CADM2: variants seen among roughly 807,000 people sequenced by gnomAD.
The protein encoded by CADM2 is cell adhesion molecule 2, also known as immunoglobulin superfamily member 4D.
Under a neutral mutation model 49.8 loss-of-function variants are expected in CADM2, and 12 were observed. The observed-to-expected ratio is 0.24, with a 90% CI of 0.15 to 0.39. CADM2 has a LOEUF of 0.39. CADM2 is among the 10% of genes least tolerant of loss of function. CADM2 has a pLI of 1.00. For synonymous variants in CADM2, 214 were observed against 175.4 expected, an observed-to-expected ratio of 1.22 and a Z score of -1.74; for missense variants, 378 against 492.3, an observed-to-expected ratio of 0.77 and a Z score of 2.20.
At chr3:85,721,593 CGG>C (rs1387515317) in intron 1 of CADM2, among the ~76,000 whole-genome samples, 2 of 152,150 alleles carry the variant, frequency 1.3e-5, no homozygotes, top group Admixed American at 1.3e-4. Flanking sequence ...CTCCAGGTGC[CGG>C]CATGGGCACC....
chr3:85,139,428 A>T (rs4856267), intron 1 of CADM2, among the ~76,000 whole-genome samples: 12,186 of 152,152 alleles, frequency 0.08, 1,022 homozygotes, highest in Admixed American at 0.25. Flanking sequence ...TTTTACATTA[A>T]TCAATACTTA....
At chr3:85,216,047 G>C (rs546936393) in intron 1 of CADM2, among the ~76,000 whole-genome samples, 5 of 151,862 alleles carry the variant, frequency 3.3e-5, no homozygotes, top group Non-Finnish European at 5.9e-5. Flanking sequence ...TACTATGTTT[G>C]TTCACCTGAT....
intron 1 of CADM2, among the ~76,000 whole-genome samples, chr3:85,194,536 A>T (rs915427806): frequency 1.3e-5 from 2 of 152,068 alleles, no homozygotes; most frequent in African/African-American, 4.8e-5. Flanking sequence ...AATGATGGAG[A>T]TCTAGAAAAT....
At chr3:85,655,241 A>G (rs1012215749) in intron 1 of CADM2, among the ~76,000 whole-genome samples, 9 of 150,576 alleles carry the variant, frequency 6.0e-5, no homozygotes, top group African/African-American at 9.8e-5. Context: ...TGGAATCTCT[A>G]CCTCCCAGGT....
intron 1 of CADM2, among the ~76,000 whole-genome samples, chr3:85,446,347 C>T (rs1434285441): frequency 1.3e-5 from 2 of 151,936 alleles, no homozygotes; most frequent in African/African-American, 4.8e-5. Flanking sequence ...TAAAAATGCC[C>T]CATAGTTGTA....
Position 86,066,668 on chromosome 3 carries a change from C to T in CADM2, c.1100C>T (p.Thr367Met), listed in dbSNP as rs1739379665. The change falls in exon 10 of 10, where the codon ACG becomes ATG. Residue 367 changes from threonine (T) to methionine (M), a missense_variant. Thr to Met is a moderately conservative substitution (Grantham distance 81, BLOSUM62 -1). Coordinates refer to ENST00000383699, the MANE Select transcript of CADM2 (RefSeq NM_001167675.2). ...ATTTTTCTTCCAATATATGCAGGAA[C>T]GTATTTAACAAATGAAGCTAAAGGA... ...LGRYLARHKG[T>M]YLTNEAKGAE... 1.2e-6 allele frequency: 2 copies of T among 1,604,244 alleles called. No individual in the cohort carries two copies. Among genetic ancestry groups the T allele is most frequent in the Non-Finnish European group, 1.7e-6 (2 of 1,171,106 alleles).
At chr3:86,058,049 A>C (rs566680661) in intron 8 of CADM2, among the ~76,000 whole-genome samples, 1 of 152,340 alleles carries the variant, frequency 6.6e-6, no homozygotes, top group South Asian at 2.1e-4. Context: ...TACATTGAAA[A>C]AAATTGCAAT....
At chr3:85,603,109 G>T (rs1366896647) in intron 1 of CADM2, among the ~76,000 whole-genome samples, 1 of 151,704 alleles carries the variant, frequency 6.6e-6, no homozygotes, top group Non-Finnish European at 1.5e-5. Context: ...TTAATGTCAA[G>T]AACAGCATTT....
intron 6 of CADM2, among the ~76,000 whole-genome samples, chr3:85,932,706 A>C (rs540743146): frequency 6.6e-6 from 1 of 152,260 alleles, no homozygotes; most frequent in Non-Finnish European, 1.5e-5. Context: ...CTCCATTTTA[A>C]AATTATCTTT....
intron 1 of CADM2, among the ~76,000 whole-genome samples, chr3:85,691,548 A>G (rs928302561): frequency 6.6e-6 from 1 of 152,212 alleles, no homozygotes; most frequent in African/African-American, 2.4e-5. Context: ...TAGTTCAACC[A>G]TTGTGGAAGT....
At chr3:84,989,158 A>C (rs2032751710) in intron 1 of CADM2, among the ~76,000 whole-genome samples, 1 of 152,206 alleles carries the variant, frequency 6.6e-6, no homozygotes, top group Admixed American at 6.6e-5. Context: ...CCACATCTGA[A>C]GTATTTTGGA....
intron 3 of CADM2, among the ~76,000 whole-genome samples, chr3:85,832,852 G>C (rs2074243000): frequency 6.6e-6 from 1 of 151,928 alleles, no homozygotes; most frequent in African/African-American, 2.4e-5. Context: ...TTGAATAGGA[G>C]TGGTGAGAGT....
chr3:85,978,411 A>G (rs1339134186), intron 8 of CADM2, among the ~76,000 whole-genome samples: 1 of 151,638 alleles, frequency 6.6e-6, no homozygotes, highest in East Asian at 1.9e-4. Flanking sequence ...GTATATGTTC[A>G]GTAACCCCTC....
At chr3:86,045,698 GA>G (rs937672987) in intron 8 of CADM2, among the ~76,000 whole-genome samples, 3 of 151,924 alleles carry the variant, frequency 2.0e-5, no homozygotes, top group Admixed American at 2.0e-4. Context: ...TTTAGCTCAA[GA>G]CTTTTATTTT....
At chr3:85,956,670 T>G (rs1222260298) in intron 7 of CADM2, among the ~76,000 whole-genome samples, 1 of 151,022 alleles carries the variant, frequency 6.6e-6, no homozygotes, top group African/African-American at 2.4e-5. Context: ...TTTTTTTTTT[T>G]GAAAAATTTT....
At chr3:85,628,580 C>CACATATATATACACATATAT (rs376881380) in intron 1 of CADM2, among the ~76,000 whole-genome samples, 166 of 142,694 alleles carry the variant, frequency 1.2e-3, no homozygotes, top group African/African-American at 4.1e-3. Context: ...TATATACACA[C>CACATATATATACACATATAT]ACATATATAT....
intron 1 of CADM2, among the ~76,000 whole-genome samples, chr3:85,267,114 A>G (rs1031032331): frequency 6.8e-6 from 1 of 147,854 alleles, no homozygotes; most frequent in African/African-American, 2.5e-5. Flanking sequence ...TAAATTCTGT[A>G]TCTAGAGTGA....
In CADM2 at chr3:85,193,616, G is replaced by A. The variant is rs527900199; in HGVS notation, c.61+233948G>A. Among the ~76,000 whole-genome samples the A allele has an allele frequency of 3.3e-5, 5 of 152,014 alleles. No individual in the cohort carries two copies. In the South Asian group the frequency reaches 1.0e-3, roughly 32 times the overall value. ...CATTGCTGCTTTCCAGACAAAAAAA[G>A]TTAGCAATGGATAGAGGGTCTCACT... On this transcript the variant is annotated intron_variant, in intron 1 of 9. Coordinates refer to ENST00000383699, the MANE Select transcript of CADM2 (RefSeq NM_001167675.2).
At chr3:85,542,556 T>C (rs1251898218) in intron 1 of CADM2, among the ~76,000 whole-genome samples, 2 of 152,210 alleles carry the variant, frequency 1.3e-5, no homozygotes, top group African/African-American at 2.4e-5. Context: ...GTCATAAGAA[T>C]GGTTTTATGA....
Sources: allele counts gnomAD v4.1 joint callset (sites outside exome capture counted in the v4.1 genomes callset), GRCh38; gene constraint gnomAD v4.1.1; transcripts MANE v1.5; gene names NCBI Gene and HGNC (gene_info 2026-07-23, HGNC 2026-07-21).